The following ST6GALNAC5 variants were observed in gnomAD, a reference collection of about 807,000 sequenced individuals.
ST6GALNAC5 encodes the protein ST6 N-acetylgalactosaminide alpha-2,6-sialyltransferase 5.
In ST6GALNAC5, 27 loss-of-function variants were observed where a neutral mutation model predicts 33.6. The ratio of observed to expected loss-of-function variants is 0.80; its 90% CI spans 0.59 to 1.11. ST6GALNAC5 has a LOEUF of 1.11. Among genes scored for constraint, ST6GALNAC5 ranks in the 50% least tolerant of loss-of-function variants. The probability of loss-of-function intolerance (pLI) is 0.00; values close to 1 mark genes in which losing one functional copy is unlikely to be tolerated. For missense variants in ST6GALNAC5, 428 were observed against 454.0 expected (o/e 0.94, Z 0.52); for synonymous variants, 194 against 171.2 (o/e 1.13, Z -1.04).
chr1:76,959,783 G>A (rs781280280), intron 2 of ST6GALNAC5, among the ~76,000 whole-genome samples: 2 of 152,136 alleles, frequency 1.3e-5, no homozygotes, highest in African/African-American at 2.4e-5. Flanking sequence ...CTCCACTAAC[G>A]TTTCAGCTTC....
rs193012875 is a variant in ST6GALNAC5, at chr1:77,067,293, C to T, written c.*4087C>T. ...CCCCTCTTTTGTAGCTCACTCATCC[C>T]ACCTTCTCAGGGTGTTGAAATGCAA... On this transcript the variant is annotated 3_prime_UTR_variant, in exon 5 of 5. Coordinates refer to ENST00000477717, the MANE Select transcript of ST6GALNAC5 (RefSeq NM_030965.3). Among the ~76,000 whole-genome samples, 1 of 152,308 alleles carries T rather than the reference C, an allele frequency of 6.6e-6. No individual in the cohort carries two copies. The highest frequency in any genetic ancestry group is 2.4e-5 in the African/African-American group (1 of 41,566).
At chr1:76,919,077 C>T (rs974599522) in intron 2 of ST6GALNAC5, among the ~76,000 whole-genome samples, 9 of 152,116 alleles carry the variant, frequency 5.9e-5, no homozygotes, top group African/African-American at 2.2e-4. Context: ...GCTTTCTGAA[C>T]TGGATAACTG....
intron 2 of ST6GALNAC5, among the ~76,000 whole-genome samples, chr1:76,962,901 T>G (rs1648298026): frequency 6.6e-6 from 1 of 152,236 alleles, no homozygotes; most frequent in African/African-American, 2.4e-5. Flanking sequence ...CTTTACTGTT[T>G]ACCAAGAGCA....
chr1:77,031,383 G>C (rs1186201872), intron 2 of ST6GALNAC5, among the ~76,000 whole-genome samples: 1 of 152,184 alleles, frequency 6.6e-6, no homozygotes, highest in Non-Finnish European at 1.5e-5. Flanking sequence ...TCCACTCTCA[G>C]AGCCCCTAAC....
chr1:77,049,930 CG>C, intron 3 of ST6GALNAC5, among the ~76,000 whole-genome samples: 1 of 152,246 alleles, frequency 6.6e-6, no homozygotes, highest in Non-Finnish European at 1.5e-5. Flanking sequence ...AGTTGTTAAA[CG>C]GGGGCTGTCA....
chr1:76,983,907 G>T (rs553171735), intron 2 of ST6GALNAC5, among the ~76,000 whole-genome samples: 1 of 152,318 alleles, frequency 6.6e-6, no homozygotes, highest in East Asian at 1.9e-4. Flanking sequence ...GCTCCTGAAT[G>T]ACTACTGGGT....
intron 2 of ST6GALNAC5, among the ~76,000 whole-genome samples, chr1:77,036,503 C>T (rs550534748): frequency 6.6e-6 from 1 of 152,194 alleles, no homozygotes; most frequent in Non-Finnish European, 1.5e-5. Flanking sequence ...CCTGCACCTC[C>T]CTCTGAAGGT....
At chr1:77,021,971 C>T (rs1001151593) in intron 2 of ST6GALNAC5, among the ~76,000 whole-genome samples, 1 of 152,202 alleles carries the variant, frequency 6.6e-6, no homozygotes, top group Non-Finnish European at 1.5e-5. Flanking sequence ...TACACAGATG[C>T]TGTCATGCCA....
intron 2 of ST6GALNAC5, among the ~76,000 whole-genome samples, chr1:76,931,884 G>T (rs992395884): frequency 3.3e-5 from 5 of 152,018 alleles, no homozygotes; most frequent in Non-Finnish European, 7.4e-5. Flanking sequence ...TGCAGAAAAA[G>T]AATCAGCAAA....
At chr1:77,040,479 T>C (rs926222636) in intron 2 of ST6GALNAC5, among the ~76,000 whole-genome samples, 1 of 152,198 alleles carries the variant, frequency 6.6e-6, no homozygotes, top group Non-Finnish European at 1.5e-5. Flanking sequence ...GTTCTAGTGG[T>C]GCCCACTAAT....
rs192606625 is a variant in ST6GALNAC5 at position 76,962,539 on chromosome 1, T to C, written c.262-81665T>C. Among the ~76,000 whole-genome samples the C allele has an allele frequency of 7.7e-4, 118 of 152,320 alleles. 1 individual carries two copies. Among genetic ancestry groups the C allele is most frequent in the Non-Finnish European group, 7.4e-5 (5 of 68,026 alleles). On this transcript the variant is annotated intron_variant, in intron 2 of 4. Coordinates refer to ENST00000477717, the MANE Select transcript of ST6GALNAC5 (RefSeq NM_030965.3). ...ATTTGGAAAATTCCAAGTAAATTTA[T>C]GAAGGGTTTTTCAATAGCAACAAAA...
chr1:76,973,139 T>C (rs921995858), intron 2 of ST6GALNAC5, among the ~76,000 whole-genome samples: 9 of 152,116 alleles, frequency 5.9e-5, no homozygotes, highest in Non-Finnish European at 1.3e-4. Context: ...TGGTTTTGTT[T>C]GGTATATAGA....
At chr1:76,988,087 C>G (rs997104391) in intron 2 of ST6GALNAC5, among the ~76,000 whole-genome samples, 3 of 151,844 alleles carry the variant, frequency 2.0e-5, no homozygotes, top group Admixed American at 6.6e-5. Context: ...TTTTCTTTGT[C>G]TTTGACAGAT....
At chr1:77,053,882 C>T (rs528372297) in intron 4 of ST6GALNAC5, among the ~76,000 whole-genome samples, 4 of 152,244 alleles carry the variant, frequency 2.6e-5, no homozygotes, top group Admixed American at 6.5e-5. Flanking sequence ...TCAAAGTGTG[C>T]CTGGCCTTTC....
chr1:76,892,466 T>C (rs2100250909), intron 2 of ST6GALNAC5, among the ~76,000 whole-genome samples: 1 of 152,334 alleles, frequency 6.6e-6, no homozygotes, highest in Non-Finnish European at 1.5e-5. Context: ...CTTCTGATAT[T>C]CATCTTTATG....
intron 2 of ST6GALNAC5, among the ~76,000 whole-genome samples, chr1:76,936,912 C>G (rs1647210453): frequency 6.9e-6 from 1 of 144,148 alleles, no homozygotes; most frequent in Non-Finnish European, 1.5e-5. Context: ...GATACTAAGA[C>G]TGAAAAGACA....
rs41292246 is a variant in ST6GALNAC5 at position 77,063,682 on chromosome 1, G to A, written c.*476G>A. 2,702 of 158,162 alleles carry A rather than the reference G, an allele frequency of 0.017. 47 individuals carry two copies. Among genetic ancestry groups the A allele is most frequent in the Non-Finnish European group, 0.028 (1,986 of 71,174 alleles). The allele number at this position is 158,162 out of a possible 1,614,324, so 9.8% of individuals were successfully genotyped here. ...GGCTGAAACTATGGACATGATTTCTGAAGAGCACATCTCCACTGACTTTCA... is the reference window on the plus strand; with the variant it reads ...GGCTGAAACTATGGACATGATTTCTAAAGAGCACATCTCCACTGACTTTCA... On this transcript the variant is annotated 3_prime_UTR_variant, in exon 5 of 5. Coordinates refer to ENST00000477717, the MANE Select transcript of ST6GALNAC5 (RefSeq NM_030965.3).
At chr1:77,015,577 T>A (rs1193587585) in intron 2 of ST6GALNAC5, among the ~76,000 whole-genome samples, 2 of 152,078 alleles carry the variant, frequency 1.3e-5, no homozygotes, top group Non-Finnish European at 2.9e-5. Context: ...GCTAGTAGTC[T>A]AGTGGAGGAG....
intron 2 of ST6GALNAC5, among the ~76,000 whole-genome samples, chr1:76,967,039 G>C (rs1046934442): frequency 3.9e-5 from 6 of 152,116 alleles, no homozygotes; most frequent in African/African-American, 7.2e-5. Context: ...GTTCATCAGC[G>C]ATACTGGTCT....
Sources: gnomAD v4.1 joint callset for allele counts (sites outside exome capture counted in the v4.1 genomes callset) on GRCh38, gnomAD v4.1.1 for gene constraint, MANE v1.5 for transcripts, NCBI Gene and HGNC (gene_info 2026-07-23, HGNC 2026-07-21) for gene names.